The following SIL1 variants were observed in gnomAD, a reference collection of about 807,000 sequenced individuals.
SIL1 encodes the protein nucleotide exchange factor SIL1.
Under a neutral mutation model 49.1 loss-of-function variants are expected in SIL1, and 40 were observed. That is an observed-to-expected ratio of 0.81 (90% CI 0.63 to 1.06). The LOEUF is 1.06. Ranked by LOEUF, SIL1 falls within the 50% of genes least tolerant of loss-of-function variation. The pLI is 0.00. For synonymous variants in SIL1, 253 were observed against 250.8 expected, an observed-to-expected ratio of 1.01 and a Z score of -0.08; for missense variants, 500 against 572.6, an observed-to-expected ratio of 0.87 and a Z score of 1.29.
At chr5:139,001,440 A>G (rs1264609749) in intron 7 of SIL1, among the ~76,000 whole-genome samples, 3 of 152,278 alleles carry the variant, frequency 2.0e-5, no homozygotes, top group Non-Finnish European at 4.4e-5. Flanking sequence ...ACAGCAAAAT[A>G]ACTGGCATCA....
intron 4 of SIL1, among the ~76,000 whole-genome samples, chr5:139,050,092 A>T (rs1169819264): frequency 6.6e-6 from 1 of 151,910 alleles, no homozygotes; most frequent in Non-Finnish European, 1.5e-5. Context: ...ATACATTTTC[A>T]TGAGTCATGA....
At chr5:139,087,124 C>T (rs1399241130) in intron 3 of SIL1, among the ~76,000 whole-genome samples, 2 of 152,150 alleles carry the variant, frequency 1.3e-5, no homozygotes, top group Admixed American at 1.3e-4. Flanking sequence ...TGAGCCACTG[C>T]ACCTAGCCAA....
intron 3 of SIL1, among the ~76,000 whole-genome samples, chr5:139,054,535 T>C (rs1769362379): frequency 1.3e-5 from 2 of 152,200 alleles, no homozygotes; most frequent in African/African-American, 2.4e-5. Flanking sequence ...TGAGTTATAA[T>C]AGTAATTAGT....
rs751368645 is a variant in SIL1 at position 139,021,264 on chromosome 5, A to G, written c.674T>C (p.Phe225Ser). The change falls in exon 7 of 10, where the codon TTT becomes TCT. Residue 225 changes from phenylalanine to serine, a missense_variant. Physicochemically the swap from Phe to Ser is radical, Grantham distance 155. Coordinates refer to ENST00000394817, the MANE Select transcript of SIL1 (RefSeq NM_022464.5). ...QMDNAQDLLS[F>S]GGLQVVINGL... Reference sequence around the variant, plus strand: ...ATTGATCACCACTTGAAGACCACCAAAGGAAAGCAGGTCCTGCGCATTGTC... The same window carrying G: ...ATTGATCACCACTTGAAGACCACCAGAGGAAAGCAGGTCCTGCGCATTGTC... 1.2e-6 allele frequency: 2 copies of G among 1,614,146 alleles called. No homozygotes were observed. Among genetic ancestry groups the G allele is most frequent in the Admixed American group, 3.3e-5 (2 of 60,008 alleles).
At position 138,951,167 on chromosome 5, in the gene SIL1, TCAC is replaced by T. The variant is rs1766764610; in HGVS notation, c.1029+1_1029+3del. 6.2e-7 allele frequency: 1 copy of T among 1,610,728 alleles called. No homozygotes were observed. The highest frequency in any genetic ancestry group is 1.1e-5 in the South Asian group (1 of 90,128). ...GAGGAGACTGGGTGGGCCTGGGCAC[TCAC>T]CTTCTCCGTGACCAGGTCGTAGAGC... is the stretch of plus-strand genomic sequence containing the variant. On this transcript the variant is annotated splice_donor_variant and splice_donor_region_variant and intron_variant, in intron 9 of 9. Coordinates refer to ENST00000394817, the MANE Select transcript of SIL1 (RefSeq NM_022464.5). LOFTEE classifies it high-confidence loss of function.
intron 1 of SIL1, among the ~76,000 whole-genome samples, chr5:139,138,279 A>G (rs1237029234): frequency 2.0e-5 from 3 of 152,216 alleles, no homozygotes; most frequent in Non-Finnish European, 2.9e-5. Flanking sequence ...CATGGCAGAC[A>G]AAGACGGAGT....
chr5:138,999,744 T>A (rs1767947697), intron 7 of SIL1, among the ~76,000 whole-genome samples: 1 of 152,208 alleles, frequency 6.6e-6, no homozygotes, highest in East Asian at 1.9e-4. Flanking sequence ...TCTAACAGTT[T>A]TTTTTGTGGA....
At chr5:139,019,739 T>C (rs1270843434) in intron 7 of SIL1, among the ~76,000 whole-genome samples, 2 of 152,124 alleles carry the variant, frequency 1.3e-5, no homozygotes, top group East Asian at 3.8e-4. Context: ...CCCCAAGTAA[T>C]GTATTTCCAG....
intron 5 of SIL1, among the ~76,000 whole-genome samples, chr5:139,028,495 CACAAA>C (rs56269800): frequency 0.2 from 30,068 of 149,032 alleles, 3,206 homozygotes; most frequent in South Asian, 0.29. Context: ...GAGACTCCAT[CACAAA>C]ACAAAACAAA....
At chr5:139,141,075 A>G (rs556700728) in intron 1 of SIL1, among the ~76,000 whole-genome samples, 1 of 152,048 alleles carries the variant, frequency 6.6e-6, no homozygotes. Flanking sequence ...GGACTGCACA[A>G]ACTCCTCATC....
At chr5:139,045,980 C>T (rs1208137009) in intron 4 of SIL1, among the ~76,000 whole-genome samples, 1 of 152,168 alleles carries the variant, frequency 6.6e-6, no homozygotes, top group African/African-American at 2.4e-5. Flanking sequence ...TTCTTTTGTC[C>T]ACCTTCAATC....
intron 7 of SIL1, 24 bp from the exon 8 acceptor site, chr5:138,951,908 A>G (rs377183355): frequency 8.2e-6 from 13 of 1,591,800 alleles, no homozygotes; most frequent in African/African-American, 1.3e-5. Flanking sequence ...ACAGGACAGC[A>G]TGACTACCCT....
intron 1 of SIL1, among the ~76,000 whole-genome samples, chr5:139,184,701 A>C (rs774822831): frequency 6.6e-6 from 1 of 152,154 alleles, no homozygotes; most frequent in Non-Finnish European, 1.5e-5. Context: ...AAATAAATAA[A>C]TGGGGATGTC....
intron 1 of SIL1, among the ~76,000 whole-genome samples, chr5:139,175,611 A>G (rs1327014472): frequency 6.6e-6 from 1 of 152,194 alleles, no homozygotes; most frequent in Non-Finnish European, 1.5e-5. Context: ...AATATTCCCT[A>G]CTTTATTCTC....
In SIL1 at chr5:139,171,228, G is replaced by T. The variant is rs1325869408; in HGVS notation, c.-11+27041C>A. Among the ~76,000 whole-genome samples the T allele has an allele frequency of 3.7e-3, 566 of 152,108 alleles. 3 individuals carry two copies. The highest frequency in any genetic ancestry group is 9.3e-3 in the African/African-American group (386 of 41,464). Reference sequence around the variant, plus strand: ...CCAACAGCTCATTGAGAACGGGCCGGGATGACAATGGCGGTTTTGTGGAAT... The same window carrying T: ...CCAACAGCTCATTGAGAACGGGCCGTGATGACAATGGCGGTTTTGTGGAAT... On this transcript the variant is annotated intron_variant, in intron 1 of 9. Transcript: ENST00000394817.
At chr5:138,989,428 C>T (rs762432335) in intron 7 of SIL1, among the ~76,000 whole-genome samples, 1 of 152,104 alleles carries the variant, frequency 6.6e-6, no homozygotes, top group Non-Finnish European at 1.5e-5. Flanking sequence ...TTTGAATGAA[C>T]CTCTGTGTAC....
intron 3 of SIL1, among the ~76,000 whole-genome samples, chr5:139,090,114 C>G (rs1016538633): frequency 1.3e-5 from 2 of 152,130 alleles, no homozygotes; most frequent in African/African-American, 4.8e-5. Flanking sequence ...AAAGCCCACT[C>G]CACACCACTC....
intron 3 of SIL1, among the ~76,000 whole-genome samples, chr5:139,060,328 G>A (rs1769557729): frequency 7.1e-6 from 1 of 141,236 alleles, no homozygotes; most frequent in South Asian, 2.3e-4. Context: ...TGTTTATTGT[G>A]GCATTCATTC....
chr5:139,073,192 G>A (rs142217240), intron 3 of SIL1, among the ~76,000 whole-genome samples: 298 of 152,282 alleles, frequency 2.0e-3, no homozygotes, highest in African/African-American at 7.0e-3. Context: ...ATCCAGTAAT[G>A]CCACTACTGG....
Sources: allele counts gnomAD v4.1 joint callset (sites outside exome capture counted in the v4.1 genomes callset), GRCh38; gene constraint gnomAD v4.1.1; transcripts MANE v1.5; gene names NCBI Gene and HGNC (gene_info 2026-07-23, HGNC 2026-07-21).